CORIN: variants seen among roughly 807,000 people sequenced by gnomAD.
The protein encoded by CORIN is atrial natriuretic peptide-converting enzyme.
A neutral mutation model predicts 125.3 loss-of-function variants in CORIN; 117 were observed. That is an observed-to-expected ratio of 0.93 (90% CI 0.80 to 1.09). The LOEUF is 1.09. Ranked by LOEUF, CORIN falls within the 50% of genes least tolerant of loss-of-function variation. The pLI is 0.00. For missense variants in CORIN, 1,253 were observed against 1,306.7 expected (o/e 0.96, Z 0.63); for synonymous variants, 450 against 466.4 (o/e 0.96, Z 0.45).
In CORIN at chr4:47,786,830, T is replaced by C. The variant is rs760156733; in HGVS notation, c.304A>G (p.Ile102Val). Residue 102 changes from isoleucine to valine, a missense_variant, in exon 3 of 22, where the codon ATT (isoleucine) becomes GTT (valine). By Grantham distance (29) the Ile-to-Val change is conservative. Transcript: ENST00000273857. ...QGSDVILTNT[I>V]YNQSTVVSTA... The stretch of plus-strand genomic sequence containing the variant: ...GACACCACAGTGCTCTGGTTATAAA[T>C]TGTATTTGTAAGAATAACATCGGAC... 19 of 1,613,914 alleles carry C rather than the reference T, an allele frequency of 1.2e-5. No homozygotes were observed. In the South Asian group the frequency reaches 1.2e-4, roughly 10 times the overall value.
chr4:47,733,487 G>C (rs897395004), intron 5 of CORIN, among the ~76,000 whole-genome samples: 1 of 152,194 alleles, frequency 6.6e-6, no homozygotes, highest in Non-Finnish European at 1.5e-5. Flanking sequence ...GCAGCAACCG[G>C]AGCTAGGCAG....
intron 3 of CORIN, among the ~76,000 whole-genome samples, chr4:47,773,125 A>C (rs2109890845): frequency 6.6e-6 from 1 of 152,364 alleles, no homozygotes. Flanking sequence ...TTTTAAAAAA[A>C]GAATTTGGAA....
At chr4:47,805,568 T>G (rs940061190) in intron 2 of CORIN, among the ~76,000 whole-genome samples, 1 of 152,214 alleles carries the variant, frequency 6.6e-6, no homozygotes, top group African/African-American at 2.4e-5. Context: ...TACTCTGTAG[T>G]GTATCCAGTT....
At chr4:47,669,563 A>ATG (rs982000441) in intron 10 of CORIN, among the ~76,000 whole-genome samples, 1 of 149,634 alleles carries the variant, frequency 6.7e-6, no homozygotes, top group African/African-American at 2.5e-5. Context: ...CTATATATAT[A>ATG]TATATATGCT....
chr4:47,673,858 C>T (rs1158505236), intron 10 of CORIN, among the ~76,000 whole-genome samples: 1 of 152,114 alleles, frequency 6.6e-6, no homozygotes, highest in Non-Finnish European at 1.5e-5. Flanking sequence ...GTAATCCTAG[C>T]TACTGTGGAG....
intron 1 of CORIN, among the ~76,000 whole-genome samples, chr4:47,836,103 G>A (rs184394523): frequency 2.0e-5 from 3 of 152,228 alleles, no homozygotes; most frequent in Non-Finnish European, 2.9e-5. Context: ...AATTCTTGGT[G>A]TCCTGGAAAG....
chr4:47,837,842 GC>G (rs1560572327), intron 1 of CORIN, 44 bp downstream of exon 1: 7 of 1,527,304 alleles, frequency 4.6e-6, no homozygotes, highest in Non-Finnish European at 6.4e-6. Context: ...GGACTAAGAG[GC>G]CATCACACCT....
chr4:47,786,875 T>C lies in CORIN; in HGVS notation c.259A>G (p.Thr87Ala). The C allele has an allele frequency of 6.2e-7, 1 of 1,613,940 alleles. No individual in the cohort carries two copies. The highest frequency in any genetic ancestry group is 8.5e-7 in the Non-Finnish European group (1 of 1,179,830). ...TCGGACCCTTGGATTTCACCATCAGTGACCAAAGGTTCACTCCCATTTGAT... is the reference window on the plus strand; with the variant it reads ...TCGGACCCTTGGATTTCACCATCAGCGACCAAAGGTTCACTCCCATTTGAT... ...FKSNGSEPLV[T>A]DGEIQGSDVI... is the part of the protein sequence containing the mutation. Residue 87 changes from threonine (T) to alanine (A), a missense_variant, in exon 3 of 22, where the codon ACT becomes GCT. Transcript: ENST00000273857.
At chr4:47,802,479 C>G (rs980051584) in intron 2 of CORIN, among the ~76,000 whole-genome samples, 2 of 152,094 alleles carry the variant, frequency 1.3e-5, no homozygotes, top group Non-Finnish European at 2.9e-5. Context: ...CTGGCAAAAG[C>G]CCCCATGGGT....
rs758064989 is a variant in CORIN, at chr4:47,680,229, A to G, written c.1044T>C (p.His348=). 1 of 1,613,846 alleles carries G rather than the reference A, an allele frequency of 6.2e-7. No individual in the cohort carries two copies. Among genetic ancestry groups the G allele is most frequent in the South Asian group, 1.1e-5 (1 of 91,064 alleles). Residue 348 remains histidine, a synonymous_variant, in exon 8 of 22, where the codon CAT becomes CAC. Transcript: ENST00000273857. The stretch of plus-strand genomic sequence containing the variant: ...CGATGCAGCGCCCGTCCCCGCAGCG[A>G]TGCTCTGTTGTGGGATTGCAATCTG... The part of the protein sequence containing the change: ...QNCDCNPTTE[H]RCGDGRCIAM...
intron 5 of CORIN, among the ~76,000 whole-genome samples, chr4:47,738,430 C>A (rs1728233167): frequency 6.6e-6 from 1 of 152,144 alleles, no homozygotes; most frequent in South Asian, 2.1e-4. Flanking sequence ...TCTGTCCAAC[C>A]ATTAGTTGAC....
At chr4:47,754,664 C>T (rs559985947) in intron 4 of CORIN, among the ~76,000 whole-genome samples, 1 of 152,054 alleles carries the variant, frequency 6.6e-6, no homozygotes, top group Non-Finnish European at 1.5e-5. Context: ...GATGACCTGG[C>T]TCCTCCCCAG....
intron 1 of CORIN, among the ~76,000 whole-genome samples, chr4:47,818,306 G>A (rs1404828388): frequency 3.3e-5 from 5 of 152,176 alleles, no homozygotes; most frequent in Admixed American, 1.3e-4. Context: ...GGTCTGTGTG[G>A]ATAGATATAG....
intron 19 of CORIN, among the ~76,000 whole-genome samples, chr4:47,608,532 C>T (rs541530065): frequency 6.6e-6 from 1 of 152,280 alleles, no homozygotes; most frequent in African/African-American, 2.4e-5. Context: ...ATCCACCAAT[C>T]CCAGGGAAAA....
At chr4:47,660,821 G>T (rs996484656) in intron 12 of CORIN, among the ~76,000 whole-genome samples, 3 of 152,130 alleles carry the variant, frequency 2.0e-5, no homozygotes, top group South Asian at 4.1e-4. Context: ...CAATCCCACT[G>T]CTAGGTATAT....
chr4:47,663,744 T>G (rs1048061439), intron 11 of CORIN, among the ~76,000 whole-genome samples: 1 of 152,226 alleles, frequency 6.6e-6, no homozygotes, highest in African/African-American at 2.4e-5. Flanking sequence ...TCACTATCAC[T>G]GACCTTGCTT....
At chr4:47,685,174 C>T (rs1470622244) in intron 6 of CORIN, among the ~76,000 whole-genome samples, 1 of 152,050 alleles carries the variant, frequency 6.6e-6, no homozygotes, top group African/African-American at 2.4e-5. Context: ...TAGGAATCTA[C>T]CCAAGATAAA....
chr4:47,797,538 C>CT (rs1365851007), intron 2 of CORIN, among the ~76,000 whole-genome samples: 4 of 151,972 alleles, frequency 2.6e-5, no homozygotes, highest in Admixed American at 2.6e-4. Flanking sequence ...CAGCAACAGC[C>CT]TGATTCTAGG....
chr4:47,680,009 C>T (rs1040894783), intron 8 of CORIN, 132 bp downstream of exon 8: 1 of 605,206 alleles, frequency 1.7e-6, no homozygotes, highest in Admixed American at 2.8e-5. Flanking sequence ...CAGGCTAGAA[C>T]CAAAGCATAA....
Sources: gnomAD v4.1 joint callset for allele counts (sites outside exome capture counted in the v4.1 genomes callset) on GRCh38, gnomAD v4.1.1 for gene constraint, MANE v1.5 for transcripts, NCBI Gene and HGNC (gene_info 2026-07-23, HGNC 2026-07-21) for gene names.